Variants in KCNH8 observed in about 807,000 individuals in gnomAD.
The protein encoded by KCNH8 is potassium voltage-gated channel subfamily H member 8, also known as voltage-gated delayed rectifier potassium channel KCNH8.
Under a neutral mutation model 103.6 loss-of-function variants are expected in KCNH8, and 70 were observed. The ratio of observed to expected loss-of-function variants is 0.68; its 90% confidence interval spans 0.56 to 0.82. KCNH8 has a LOEUF of 0.82. Ranked by LOEUF, KCNH8 falls within the 40% of genes least tolerant of loss-of-function variation. The pLI, the probability that KCNH8 is intolerant of heterozygous loss-of-function variation, is 0.00. For synonymous variants in KCNH8, 498 were observed against 489.4 expected (o/e 1.02, Z -0.23); for missense variants, 1,217 against 1,329.9 (o/e 0.92, Z 1.32).
chr3:19,376,008 C>G (rs1262706712), intron 5 of KCNH8, among the ~76,000 whole-genome samples: 3 of 152,162 alleles, frequency 2.0e-5, no homozygotes, highest in Non-Finnish European at 2.9e-5. Context: ...TCAAAGCTGT[C>G]AGACAGGGAC....
intron 3 of KCNH8, among the ~76,000 whole-genome samples, chr3:19,337,744 C>T (rs763576268): frequency 6.6e-6 from 1 of 152,074 alleles, no homozygotes; most frequent in Non-Finnish European, 1.5e-5. Context: ...TTTTACTGAT[C>T]TACTAAAACA....
In KCNH8 at chr3:19,352,378, C is replaced by A. The variant is rs531827461; in HGVS notation, c.811+4413C>A. Among the ~76,000 whole-genome samples, 940 of 152,162 alleles carry A rather than the reference C, an allele frequency of 6.2e-3. 6 individuals are homozygous for A. Among genetic ancestry groups the A allele is most frequent in the Non-Finnish European group, 8.3e-3 (566 of 67,992 alleles). On this transcript the variant is annotated intron_variant, in intron 5 of 15. Coordinates refer to ENST00000328405, the MANE Select transcript of KCNH8 (RefSeq NM_144633.3). ...GAATTGAACTCAGCTCTGCACCAAG[C>A]GGACCTAATAGACATCTACAGAACT...
chr3:19,490,751 C>T (rs565365862), intron 11 of KCNH8, among the ~76,000 whole-genome samples: 14 of 152,278 alleles, frequency 9.2e-5, no homozygotes, highest in African/African-American at 2.2e-4. Flanking sequence ...TTTCTAAACA[C>T]TGTTTCTAAA....
chr3:19,514,888 T>C (rs537670570), intron 13 of KCNH8, among the ~76,000 whole-genome samples: 17 of 152,018 alleles, frequency 1.1e-4, no homozygotes, highest in African/African-American at 4.1e-4. Flanking sequence ...ACAACAGTAG[T>C]GTGTGATAAA....
chr3:19,378,083 T>C (rs2066236831), intron 5 of KCNH8, among the ~76,000 whole-genome samples: 1 of 152,120 alleles, frequency 6.6e-6, no homozygotes, highest in African/African-American at 2.4e-5. Flanking sequence ...TAGATAATCA[T>C]TTAGGGACTG....
intron 1 of KCNH8, among the ~76,000 whole-genome samples, chr3:19,203,831 C>A (rs1175369839): frequency 6.6e-6 from 1 of 151,860 alleles, no homozygotes; most frequent in Non-Finnish European, 1.5e-5. Context: ...TTCTTAAAAT[C>A]TAAAACATCT....
intron 3 of KCNH8, among the ~76,000 whole-genome samples, chr3:19,310,899 T>C (rs183834099): frequency 4.0e-5 from 6 of 151,898 alleles, no homozygotes; most frequent in Admixed American, 3.9e-4. Context: ...CCATGCACAG[T>C]ATTTTTGAAA....
chr3:19,187,863 T>C (rs1333794853), intron 1 of KCNH8, among the ~76,000 whole-genome samples: 2 of 152,102 alleles, frequency 1.3e-5, no homozygotes, highest in East Asian at 3.9e-4. Context: ...GTTGGCTGAA[T>C]ACTCTGGTAA....
intron 11 of KCNH8, among the ~76,000 whole-genome samples, chr3:19,483,931 C>T (rs2068143653): frequency 6.6e-6 from 1 of 152,056 alleles, no homozygotes; most frequent in Admixed American, 6.5e-5. Flanking sequence ...GCCTAAATGA[C>T]ACAAGACCAG....
chr3:19,336,118 A>G (rs1282298334), intron 3 of KCNH8, among the ~76,000 whole-genome samples: 2 of 151,686 alleles, frequency 1.3e-5, no homozygotes, highest in Admixed American at 6.6e-5. Flanking sequence ...TTTTAAATAT[A>G]TAGTTTGTTT....
At chr3:19,294,587 T>G (rs987032226) in intron 3 of KCNH8, among the ~76,000 whole-genome samples, 2 of 152,208 alleles carry the variant, frequency 1.3e-5, no homozygotes, top group Non-Finnish European at 1.5e-5. Flanking sequence ...CTTAAACTGA[T>G]TTAAAAATTT....
chr3:19,523,565 C>G (rs1220088013), intron 15 of KCNH8, among the ~76,000 whole-genome samples: 1 of 151,928 alleles, frequency 6.6e-6, no homozygotes, highest in Non-Finnish European at 1.5e-5. Flanking sequence ...GCTGCACCAT[C>G]TGGAATGTCA....
At chr3:19,455,471 A>G (rs568632585) in intron 10 of KCNH8, among the ~76,000 whole-genome samples, 3 of 152,216 alleles carry the variant, frequency 2.0e-5, no homozygotes, top group East Asian at 1.9e-4. Context: ...GGAGCCCACA[A>G]GGAAATCTTT....
intron 3 of KCNH8, among the ~76,000 whole-genome samples, chr3:19,337,115 A>C (rs2065595045): frequency 6.6e-6 from 1 of 152,180 alleles, no homozygotes; most frequent in East Asian, 1.9e-4. Flanking sequence ...TGGAAAGAAC[A>C]TGTGATTTCA....
intron 4 of KCNH8, among the ~76,000 whole-genome samples, chr3:19,347,418 C>CAT (rs990775874): frequency 3.3e-5 from 5 of 152,008 alleles, no homozygotes; most frequent in Non-Finnish European, 7.4e-5. Context: ...TGTAGAATTA[C>CAT]ATGTAACTGT....
chr3:19,394,510 A>G (rs1466978365), intron 6 of KCNH8, among the ~76,000 whole-genome samples: 2 of 151,704 alleles, frequency 1.3e-5, no homozygotes, highest in African/African-American at 4.9e-5. Context: ...AGAGAGAGCG[A>G]GCTTCAGGCA....
At chr3:19,464,596 A>T (rs181773774) in intron 11 of KCNH8, among the ~76,000 whole-genome samples, 2 of 152,314 alleles carry the variant, frequency 1.3e-5, no homozygotes, top group African/African-American at 4.8e-5. Flanking sequence ...GGGAAGCTGA[A>T]GAATGGGAGA....
At chr3:19,373,198 C>T (rs564984812) in intron 5 of KCNH8, among the ~76,000 whole-genome samples, 1 of 152,078 alleles carries the variant, frequency 6.6e-6, no homozygotes, top group Non-Finnish European at 1.5e-5. Flanking sequence ...ACCAGCTCCT[C>T]CTTGTACCTC....
chr3:19,169,296 T>TGAAA (rs2063316473), intron 1 of KCNH8, among the ~76,000 whole-genome samples: 1 of 150,530 alleles, frequency 6.6e-6, no homozygotes, highest in African/African-American at 2.5e-5. Context: ...TCTCGCTCTT[T>TGAAA]CGCCCAGGCT....
Sources: allele counts gnomAD v4.1 joint callset (sites outside exome capture counted in the v4.1 genomes callset), GRCh38; gene constraint gnomAD v4.1.1; transcripts MANE v1.5; gene names NCBI Gene and HGNC (gene_info 2026-07-23, HGNC 2026-07-21).